The following AGO2 variants were observed in gnomAD, a reference collection of about 807,000 sequenced individuals.
The protein encoded by AGO2 is argonaute RISC catalytic component 2.
Under a neutral mutation model 102.3 loss-of-function variants are expected in AGO2, and 5 were observed. That is an observed-to-expected ratio of 0.05 (90% confidence interval 0.03 to 0.10). AGO2 has a LOEUF of 0.10. AGO2 is among the 10% of genes least tolerant of loss of function. The pLI, the probability that AGO2 is intolerant of heterozygous loss-of-function variation, is 1.00. For synonymous variants in AGO2, 449 were observed against 473.1 expected (o/e 0.95, Z 0.66); for missense variants, 541 against 1,183.7 (o/e 0.46, Z 7.97).
chr8:140,598,292 G>C lies in AGO2; in HGVS notation c.23-12981C>G, dbSNP rs796766839. 2.6e-5 allele frequency among the ~76,000 whole-genome samples: 4 copies of C among 152,170 alleles called. No homozygotes were observed. The East Asian group carries it at 7.7e-4, about 29-fold the overall frequency. ...TGTTCTAAAGCCACAGCACCAAAAAGAATTCTCTTCGGCAAAGGCAGCAGG... is the reference window on the plus strand; with the variant it reads ...TGTTCTAAAGCCACAGCACCAAAAACAATTCTCTTCGGCAAAGGCAGCAGG... On this transcript the variant is annotated intron_variant, in intron 1 of 18. Transcript: ENST00000220592.
intron 2 of AGO2, among the ~76,000 whole-genome samples, chr8:140,577,888 G>A (rs2073491468): frequency 6.6e-6 from 1 of 152,258 alleles, no homozygotes; most frequent in Non-Finnish European, 1.5e-5. Context: ...GGCCCCTGGA[G>A]GCGGGGTCAG....
chr8:140,615,421 G>A (rs1385716731), intron 1 of AGO2, among the ~76,000 whole-genome samples: 2 of 152,206 alleles, frequency 1.3e-5, no homozygotes, highest in East Asian at 1.9e-4. Context: ...GCCCCCAGGC[G>A]GCCCTTCTCA....
chr8:140,558,411 T>C, intron 7 of AGO2, 74 bp downstream of exon 7: 2 of 1,477,100 alleles, frequency 1.4e-6, no homozygotes, highest in East Asian at 2.3e-5. Context: ...CACAGAATCA[T>C]GGCTCCAGAG....
In AGO2 at chr8:140,557,656, C is replaced by T. The variant is rs138620279; in HGVS notation, c.879-420G>A. Reference sequence around the variant, plus strand: ...CGAGGAAAGCAGGCCAGGCCGGTTCCGGCCGCACGGTGACGGCAGGAGACG... The same window carrying T: ...CGAGGAAAGCAGGCCAGGCCGGTTCTGGCCGCACGGTGACGGCAGGAGACG... On this transcript the variant is annotated intron_variant, in intron 7 of 18. Coordinates refer to ENST00000220592, the MANE Select transcript of AGO2 (RefSeq NM_012154.5). This position sits in a 1 kb window ranked among gnomAD's most constrained non-coding sequence, Gnocchi z 5.9. Among the ~76,000 whole-genome samples the T allele has an allele frequency of 3.7e-3, 564 of 152,328 alleles. 4 individuals are homozygous for T. Among genetic ancestry groups the T allele is most frequent in the African/African-American group, 0.013 (525 of 41,570 alleles).
At chr8:140,541,383 G>A (rs370319263) in intron 14 of AGO2, 25 bp from the exon 15 acceptor site, 1 of 1,556,432 alleles carries the variant, frequency 6.4e-7, no homozygotes, top group Non-Finnish European at 8.7e-7. Context: ...AGTGAGTGTG[G>A]TCAGGGGTTC....
rs2072456144 is a variant in AGO2, at chr8:140,523,838, G to C, written c.*8206C>G. On this transcript the variant is annotated 3_prime_UTR_variant, in exon 19 of 19. Transcript: ENST00000220592. ...CCATTCCTTGCCTTGCAGGATGGTGGGTTGGGGGAGAAAGAGGGGAGGGCC... is the reference window on the plus strand; with the variant it reads ...CCATTCCTTGCCTTGCAGGATGGTGCGTTGGGGGAGAAAGAGGGGAGGGCC... 6.6e-6 allele frequency: 1 copy of C among 152,200 alleles called. No individual in the cohort carries two copies. Among genetic ancestry groups the C allele is most frequent in the South Asian group, 2.1e-4 (1 of 4,822 alleles). The allele number at this position is 152,200 out of a possible 1,614,324, so 9.4% of individuals were successfully genotyped here. A position where few individuals can be genotyped will look rare whatever the true frequency, so the allele number is the denominator to read the frequency against.
At chr8:140,574,588 C>T (rs1476031484) in intron 2 of AGO2, among the ~76,000 whole-genome samples, 1 of 151,978 alleles carries the variant, frequency 6.6e-6, no homozygotes, top group Non-Finnish European at 1.5e-5. Context: ...GGCATTTTGA[C>T]CCAACTCACT....
intron 17 of AGO2, among the ~76,000 whole-genome samples, chr8:140,534,404 T>C (rs1046750555): frequency 6.6e-6 from 1 of 152,178 alleles, no homozygotes; most frequent in East Asian, 1.9e-4. Context: ...AGGCAGGGCA[T>C]GGCCCCAGGC....
chr8:140,597,713 T>A (rs1248494005), intron 1 of AGO2, among the ~76,000 whole-genome samples: 1 of 151,584 alleles, frequency 6.6e-6, no homozygotes, highest in Non-Finnish European at 1.5e-5. Flanking sequence ...AAAAAAGACA[T>A]CAAAAATGAA....
intron 5 of AGO2, among the ~76,000 whole-genome samples, 168 bp from the exon 6 acceptor site, chr8:140,559,697 C>T (rs557780363): frequency 1.3e-5 from 2 of 152,294 alleles, no homozygotes; most frequent in Admixed American, 1.3e-4. Context: ...GGCAGGCCAG[C>T]AGTGACAAGC....
At chr8:140,548,022 G>A (rs1208755255) in intron 12 of AGO2, among the ~76,000 whole-genome samples, 1 of 152,202 alleles carries the variant, frequency 6.6e-6, no homozygotes, top group Non-Finnish European at 1.5e-5. Flanking sequence ...GCTTAGGAAG[G>A]CCACTTACAC....
chr8:140,559,184 C>T (rs368476835), intron 6 of AGO2, among the ~76,000 whole-genome samples: 1 of 152,166 alleles, frequency 6.6e-6, no homozygotes, highest in Non-Finnish European at 1.5e-5. Flanking sequence ...TCATCCTCAC[C>T]CCATGGGGTT....
At chr8:140,535,129 T>C (rs897441109) in intron 17 of AGO2, among the ~76,000 whole-genome samples, 2 of 152,176 alleles carry the variant, frequency 1.3e-5, no homozygotes, top group African/African-American at 4.8e-5. Context: ...GCCTTCCAGC[T>C]TCCACCCCAT....
Position 140,526,139 on chromosome 8 carries a change from G to A in AGO2, c.*5905C>T, listed in dbSNP as rs1414810787. On this transcript the variant is annotated 3_prime_UTR_variant, in exon 19 of 19. Transcript: ENST00000220592. This position sits in a 1 kb window ranked among gnomAD's most constrained non-coding sequence, Gnocchi z 5.2. ...TTGAAACCATGCAACTATTTTAAAT[G>A]TATTATTTGCATGACAGTCGGTGTT... 1.3e-5 allele frequency: 2 copies of A among 152,202 alleles called. No homozygotes were observed. Among genetic ancestry groups the A allele is most frequent in the African/African-American group, 2.4e-5 (1 of 41,446 alleles). The allele number at this position is 152,202 out of a possible 1,614,324, so 9.4% of individuals were successfully genotyped here.
intron 1 of AGO2, among the ~76,000 whole-genome samples, chr8:140,613,543 G>A (rs1433281562): frequency 6.6e-6 from 1 of 152,170 alleles, no homozygotes; most frequent in Non-Finnish European, 1.5e-5. Flanking sequence ...CAGCTGAAGA[G>A]CTGCCGTCTG....
intron 14 of AGO2, 57 bp downstream of exon 14, chr8:140,544,156 T>G: frequency 6.7e-7 from 1 of 1,499,184 alleles, no homozygotes; most frequent in South Asian, 1.3e-5. Context: ...CAGTGGGACT[T>G]CGACAGCGTC....
chr8:140,520,183 T>C lies in AGO2; in HGVS notation c.*11861A>G, dbSNP rs993029990. On this transcript the variant is annotated 3_prime_UTR_variant, in exon 19 of 19. Coordinates refer to ENST00000220592, the MANE Select transcript of AGO2 (RefSeq NM_012154.5). ...TAAATAGGAGGACTTTTATTTAATT[T>C]TTTGCTGACATACTATGAGGCAAAA... 1 of 152,174 alleles carries C rather than the reference T, an allele frequency of 6.6e-6. No individual in the cohort carries two copies. The highest frequency in any genetic ancestry group is 1.5e-5 in the Non-Finnish European group (1 of 68,036). The allele number at this position is 152,174 out of a possible 1,614,324, so 9.4% of individuals were successfully genotyped here.
chr8:140,623,266 T>C (rs187366800), intron 1 of AGO2, among the ~76,000 whole-genome samples: 4 of 54,910 alleles, frequency 7.3e-5, no homozygotes, highest in African/African-American at 1.4e-4. Context: ...GGTCTCCTCT[T>C]GGGGGAATAA....
chr8:140,618,045 T>C (rs1218370165), intron 1 of AGO2, among the ~76,000 whole-genome samples: 1 of 151,202 alleles, frequency 6.6e-6, no homozygotes, highest in African/African-American at 2.4e-5. Context: ...GGCTCACGCC[T>C]GTAATCCCAG....
Sources: allele counts gnomAD v4.1 joint callset (sites outside exome capture counted in the v4.1 genomes callset), GRCh38; gene constraint gnomAD v4.1.1; non-coding constraint Gnocchi (gnomAD v3.1); transcripts MANE v1.5; gene names NCBI Gene and HGNC (gene_info 2026-07-23, HGNC 2026-07-21).